The following SGCD variants were observed in gnomAD, a reference collection of about 807,000 sequenced individuals.
The protein encoded by SGCD is sarcoglycan delta.
A neutral mutation model predicts 36.6 loss-of-function variants in SGCD; 18 were observed. The observed-to-expected ratio is 0.49, with a 90% CI of 0.34 to 0.73. SGCD has a LOEUF of 0.73. SGCD is among the 30% of genes least tolerant of loss of function. The pLI is 0.01. For synonymous variants in SGCD, 133 were observed against 130.6 expected (o/e 1.02, Z -0.12); for missense variants, 387 against 346.7 (o/e 1.12, Z -0.92).
intron 3 of SGCD, among the ~76,000 whole-genome samples, chr5:156,346,717 A>G (rs945411678): frequency 5.3e-5 from 8 of 151,964 alleles, no homozygotes; most frequent in Non-Finnish European, 8.8e-5. Flanking sequence ...CTAGAGTATT[A>G]GAGCACATTA....
At chr5:156,146,079 T>A (rs941344909) in intron 3 of SGCD, among the ~76,000 whole-genome samples, 2 of 151,862 alleles carry the variant, frequency 1.3e-5, no homozygotes, top group Admixed American at 6.6e-5. Context: ...TGGGCGTAGT[T>A]GTGGGCGCCT....
chr5:156,489,304 C>G (rs1330212087), intron 3 of SGCD, among the ~76,000 whole-genome samples: 1 of 152,060 alleles, frequency 6.6e-6, no homozygotes, highest in Non-Finnish European at 1.5e-5. Context: ...CAACACTGCT[C>G]TCAGCGTTGG....
chr5:156,610,282 G>T (rs1303284181), intron 6 of SGCD, among the ~76,000 whole-genome samples: 1 of 151,932 alleles, frequency 6.6e-6, no homozygotes, highest in South Asian at 2.1e-4. Flanking sequence ...TCAGCTGCAG[G>T]TCTGTTGGAG....
intron 3 of SGCD, among the ~76,000 whole-genome samples, chr5:156,496,617 CCT>C (rs1051274279): frequency 2.9e-4 from 44 of 152,028 alleles, no homozygotes; most frequent in African/African-American, 1.0e-3. Context: ...AATACTTGCC[CCT>C]CCCTGCTGGA....
intron 7 of SGCD, among the ~76,000 whole-genome samples, chr5:156,741,606 G>A (rs11955986): frequency 0.13 from 19,534 of 152,116 alleles, 2,382 homozygotes; most frequent in African/African-American, 0.32. Context: ...TCCCTGGGCC[G>A]AAAACTACAC....
intron 7 of SGCD, among the ~76,000 whole-genome samples, chr5:156,721,210 T>C (rs1755484384): frequency 6.6e-6 from 1 of 152,116 alleles, no homozygotes; most frequent in Non-Finnish European, 1.5e-5. Context: ...TATACAAGTA[T>C]GGAGTTCAAG....
In SGCD at chr5:156,362,474, C is replaced by G. The variant is rs151030985; in HGVS notation, c.192+17797C>G. Among the ~76,000 whole-genome samples, 285 of 152,252 alleles carry G rather than the reference C, an allele frequency of 1.9e-3. 1 individual carries two copies. Among genetic ancestry groups the G allele is most frequent in the African/African-American group, 6.0e-3 (248 of 41,562 alleles). ...CATCCTGGCCAACATGGTGAAACCC[C>G]ATCTCTACTAAAATTATAAAAATTA... On this transcript the variant is annotated intron_variant, in intron 3 of 8. Coordinates refer to ENST00000337851, the MANE Select transcript of SGCD (RefSeq NM_000337.6).
chr5:156,235,182 T>G (rs1391037623), intron 3 of SGCD, among the ~76,000 whole-genome samples: 2 of 152,156 alleles, frequency 1.3e-5, no homozygotes, highest in African/African-American at 4.8e-5. Context: ...GACTGAAGGA[T>G]GAAGTTTGAA....
chr5:156,617,432 A>T (rs933049680), intron 6 of SGCD, among the ~76,000 whole-genome samples: 58 of 152,200 alleles, frequency 3.8e-4, no homozygotes, highest in African/African-American at 1.3e-3. Flanking sequence ...AGTTGGGGAT[A>T]CCTCTGGTGC....
At chr5:156,409,621 A>G (rs1027362498) in intron 3 of SGCD, among the ~76,000 whole-genome samples, 1 of 152,214 alleles carries the variant, frequency 6.6e-6, no homozygotes, top group Non-Finnish European at 1.5e-5. Context: ...GCCTCAGAAT[A>G]ATTGTGTGGC....
At chr5:156,055,119 C>G (rs1323542598) in intron 1 of SGCD, among the ~76,000 whole-genome samples, 6 of 144,224 alleles carry the variant, frequency 4.2e-5, no homozygotes, top group African/African-American at 1.5e-4. Flanking sequence ...CAATTCTTTG[C>G]CTATAGCAGT....
intron 1 of SGCD, among the ~76,000 whole-genome samples, chr5:156,022,304 C>A (rs1759122799): frequency 6.6e-6 from 1 of 152,050 alleles, no homozygotes; most frequent in Non-Finnish European, 1.5e-5. Context: ...CTAAAAATAC[C>A]TCACAGACTT....
chr5:156,268,621 T>A (rs1480345436), intron 3 of SGCD, among the ~76,000 whole-genome samples: 2 of 151,976 alleles, frequency 1.3e-5, no homozygotes, highest in Non-Finnish European at 2.9e-5. Flanking sequence ...AGACAGAGTT[T>A]CTCTCTTGTT....
intron 7 of SGCD, among the ~76,000 whole-genome samples, chr5:156,751,068 C>T (rs1377222526): frequency 6.6e-6 from 1 of 151,960 alleles, no homozygotes; most frequent in African/African-American, 2.4e-5. Flanking sequence ...CATTCTTGAA[C>T]AAGAATAAGG....
intron 3 of SGCD, among the ~76,000 whole-genome samples, chr5:156,384,820 G>C (rs1183500028): frequency 6.6e-6 from 1 of 152,158 alleles, no homozygotes; most frequent in Non-Finnish European, 1.5e-5. Context: ...TGCAAACTTT[G>C]GTTGTCACTC....
intron 3 of SGCD, among the ~76,000 whole-genome samples, chr5:156,264,958 T>C (rs1765962318): frequency 6.6e-6 from 1 of 152,152 alleles, no homozygotes; most frequent in Non-Finnish European, 1.5e-5. Flanking sequence ...TATTAGAACA[T>C]GTTATTTCAA....
chr5:156,156,653 G>A (rs151266596), intron 3 of SGCD, among the ~76,000 whole-genome samples: 1 of 151,234 alleles, frequency 6.6e-6, no homozygotes, highest in Non-Finnish European at 1.5e-5. Context: ...CACATACGCA[G>A]CTGTACAGAA....
chr5:155,984,992 G>T (rs1758302061), intron 1 of SGCD, among the ~76,000 whole-genome samples: 1 of 152,192 alleles, frequency 6.6e-6, no homozygotes, highest in Admixed American at 6.5e-5. Context: ...GAGTAGTTGA[G>T]GTGCTCCAAA....
chr5:156,231,712 A>G (rs1018877881), intron 3 of SGCD, among the ~76,000 whole-genome samples: 1 of 152,194 alleles, frequency 6.6e-6, no homozygotes, highest in African/African-American at 2.4e-5. Context: ...AACTTTAGAT[A>G]TATAGAGAGC....
Sources: gnomAD v4.1 joint callset for allele counts (sites outside exome capture counted in the v4.1 genomes callset) on GRCh38, gnomAD v4.1.1 for gene constraint, MANE v1.5 for transcripts, NCBI Gene and HGNC (gene_info 2026-07-23, HGNC 2026-07-21) for gene names.